JMJD1C: variants seen among roughly 807,000 people sequenced by gnomAD.
The protein encoded by JMJD1C is jumonji domain containing 1C, also known as jumonji domain-containing protein 1C.
In JMJD1C, 31 loss-of-function variants were observed where a neutral mutation model predicts 245.3. The observed-to-expected ratio is 0.13, with a 90% CI of 0.09 to 0.17. JMJD1C has a LOEUF of 0.17. Among genes scored for constraint, JMJD1C ranks in the 10% least tolerant of loss-of-function variants. JMJD1C has a pLI of 1.00. For missense variants in JMJD1C, 2,691 were observed against 3,000.2 expected (o/e 0.90, Z 2.41); for synonymous variants, 1,057 against 1,017.4 (o/e 1.04, Z -0.74).
chr10:63,422,608 C>T (rs372626302), intron 1 of JMJD1C, among the ~76,000 whole-genome samples: 1 of 152,100 alleles, frequency 6.6e-6, no homozygotes, highest in South Asian at 2.1e-4. Flanking sequence ...CTACTGTAGA[C>T]CCACTCAATG....
chr10:63,301,891 C>T (rs1327343200), intron 2 of JMJD1C: 1 of 306,322 alleles, frequency 3.3e-6, no homozygotes, highest in Non-Finnish European at 6.6e-6. Flanking sequence ...TTCTGTCCTA[C>T]ACTTTAAAAA....
At chr10:63,397,857 A>G (rs1205343915) in intron 1 of JMJD1C, among the ~76,000 whole-genome samples, 2 of 152,188 alleles carry the variant, frequency 1.3e-5, no homozygotes, top group Non-Finnish European at 2.9e-5. Context: ...CCAATGTTTC[A>G]TCACCATAAG....
At chr10:63,249,049 C>T (rs1852679324) in intron 3 of JMJD1C, among the ~76,000 whole-genome samples, 1 of 152,164 alleles carries the variant, frequency 6.6e-6, no homozygotes, top group African/African-American at 2.4e-5. Context: ...GGAGTGGTGG[C>T]TCACGCCTGT....
intron 1 of JMJD1C, among the ~76,000 whole-genome samples, chr10:63,407,217 G>GA (rs35347998): frequency 6.8e-4 from 103 of 151,946 alleles, no homozygotes; most frequent in African/African-American, 2.3e-3. Context: ...ATTATGGTAC[G>GA]AAAAAAAGGT....
At chr10:63,269,312 C>CT (rs1856006538) in intron 2 of JMJD1C, 1 of 564,568 alleles carries the variant, frequency 1.8e-6, no homozygotes, top group African/African-American at 2.0e-5. Flanking sequence ...GATGGAGTCA[C>CT]TTCCAGCACG....
At chr10:63,316,634 G>C (rs1456550230) in intron 2 of JMJD1C, among the ~76,000 whole-genome samples, 1 of 152,170 alleles carries the variant, frequency 6.6e-6, no homozygotes, top group Non-Finnish European at 1.5e-5. Context: ...TTTTAGTAGA[G>C]ATGGGGTTTC....
intron 3 of JMJD1C, among the ~76,000 whole-genome samples, chr10:63,261,997 CT>C (rs1854823331): frequency 6.6e-6 from 1 of 152,134 alleles, no homozygotes; most frequent in South Asian, 2.1e-4. Context: ...CCCCCACCTA[CT>C]TAAAAAGTTT....
intron 2 of JMJD1C, among the ~76,000 whole-genome samples, chr10:63,279,500 T>A (rs979697941): frequency 3.3e-5 from 5 of 152,168 alleles, no homozygotes; most frequent in African/African-American, 1.2e-4. Context: ...GAAATGCATG[T>A]GAAAGAGGCC....
intron 3 of JMJD1C, among the ~76,000 whole-genome samples, chr10:63,236,012 A>G (rs932727492): frequency 6.6e-6 from 1 of 152,242 alleles, no homozygotes; most frequent in Admixed American, 6.5e-5. Context: ...GGATATCATA[A>G]ATAGATTATA....
At chr10:63,190,609 G>A (rs1844680313) in intron 17 of JMJD1C, among the ~76,000 whole-genome samples, 1 of 152,138 alleles carries the variant, frequency 6.6e-6, no homozygotes, top group African/African-American at 2.4e-5. Context: ...TCACTTCCAT[G>A]TGGGTTTTTC....
intron 10 of JMJD1C, chr10:63,204,485 C>T (rs189051512): frequency 4.1e-6 from 4 of 985,202 alleles, no homozygotes; most frequent in Admixed American, 6.1e-5. Flanking sequence ...TGGAAGGTAC[C>T]TATCTTTTGT....
chr10:63,222,543 A>T lies in JMJD1C; in HGVS notation c.448-2560T>A. ...TTTTGTCCCAAAGATACTCAACTCA[A>T]ATACTGTGAAAAACAGTTTGAACTG... On this transcript the variant is annotated intron_variant, in intron 3 of 25. Coordinates refer to ENST00000399262, the MANE Select transcript of JMJD1C (RefSeq NM_032776.3). 3 of 1,524,786 alleles carry T rather than the reference A, an allele frequency of 2.0e-6. No homozygotes were observed. The Admixed American group carries it at 5.2e-5, about 26-fold the overall frequency. 94.5% of individuals were successfully genotyped at this position (1,524,786 alleles called of 1,614,324 possible). A position where few individuals can be genotyped will look rare whatever the true frequency, so the allele number is the denominator to read the frequency against.
At chr10:63,285,694 G>A (rs1484645280) in intron 2 of JMJD1C, among the ~76,000 whole-genome samples, 1 of 152,140 alleles carries the variant, frequency 6.6e-6, no homozygotes, top group African/African-American at 2.4e-5. Context: ...TCTAGTCCCA[G>A]CTACTCAGGA....
intron 1 of JMJD1C, among the ~76,000 whole-genome samples, chr10:63,394,313 A>G (rs1948310008): frequency 6.6e-6 from 1 of 152,192 alleles, no homozygotes; most frequent in South Asian, 2.1e-4. Flanking sequence ...TTTTTTAAAA[A>G]ATGTGCAAAG....
rs1234156874 is a variant in JMJD1C at position 63,477,513 on chromosome 10, C to T, written n.113+44225G>A. Among the ~76,000 whole-genome samples, 3 of 147,872 alleles carry T rather than the reference C, an allele frequency of 2.0e-5. No homozygotes were observed. The Admixed American group carries it at 2.0e-4, about 10-fold the overall frequency. ...CAATTCAACAGAGAAAGGATGATCT[C>T]TTCAACAAATGGTGCCGGAACAATT... is the stretch of plus-strand genomic sequence containing the variant. On this transcript the variant is annotated intron_variant and non_coding_transcript_variant, in intron 1 of 3. Coordinates refer to the JMJD1C transcript ENST00000633035.
At position 63,193,062 on chromosome 10, in the gene JMJD1C, T is replaced by C; in HGVS notation, c.5952A>G (p.Lys1984=). 6.2e-7 allele frequency: 1 copy of C among 1,614,192 alleles called. No homozygotes were observed. Reference sequence around the variant, plus strand: ...CACTCTCTGGGCTGCTGCCACCATTTTTCTCAGACTTCGGAGGAGTATTTT... The same window carrying C: ...CACTCTCTGGGCTGCTGCCACCATTCTTCTCAGACTTCGGAGGAGTATTTT... ...QQQNTPPKSE[K]NGGSSPESDV... is the part of the protein sequence containing the mutation. The change falls in exon 16 of 26, where the codon AAA becomes AAG. Residue 1984 remains lysine, a synonymous_variant. Coordinates refer to ENST00000399262, the MANE Select transcript of JMJD1C (RefSeq NM_032776.3).
rs538657231 is a variant in JMJD1C at position 63,515,545 on chromosome 10, C to T, written n.113+6193G>A. On this transcript the variant is annotated intron_variant and non_coding_transcript_variant, in intron 1 of 3. Transcript: ENST00000633035. ...CAATTACAGCTCAGATTTTCCTACC[C>T]GGGTACTGGTTCCCTCAGGGGTTTC... 2.6e-5 allele frequency among the ~76,000 whole-genome samples: 4 copies of T among 152,250 alleles called. No individual in the cohort carries two copies. The East Asian group carries it at 5.8e-4, about 22-fold the overall frequency.
Position 63,342,862 on chromosome 10 carries a change from T to C in JMJD1C, c.333+37456A>G, listed in dbSNP as rs564588103. On this transcript the variant is annotated intron_variant, in intron 2 of 25. Transcript: ENST00000399262. ...ACACAACTTTGTTTAATGCACACCA[T>C]TATTTAAAATATTATTTAAAATTAC... Among the ~76,000 whole-genome samples, 4 of 152,354 alleles carry C rather than the reference T, an allele frequency of 2.6e-5. No homozygotes were observed. The South Asian group carries it at 8.3e-4, about 32-fold the overall frequency.
At chr10:63,268,788 T>C (rs1483199274) in intron 2 of JMJD1C, 2 of 985,606 alleles carry the variant, frequency 2.0e-6, no homozygotes, top group Non-Finnish European at 2.4e-6. Flanking sequence ...AATACTTCTT[T>C]AGTCTTCAAA....
Sources: gnomAD v4.1 joint callset for allele counts (sites outside exome capture counted in the v4.1 genomes callset) on GRCh38, gnomAD v4.1.1 for gene constraint, MANE v1.5 for transcripts, NCBI Gene and HGNC (gene_info 2026-07-23, HGNC 2026-07-21) for gene names.